NSUN6: variants seen among roughly 807,000 people sequenced by gnomAD.
NSUN6 encodes NOP2/Sun RNA methyltransferase 6.
Under a neutral mutation model 58.0 loss-of-function variants are expected in NSUN6, and 64 were observed. The observed-to-expected ratio is 1.10, with a 90% CI of 0.90 to 1.36. The LOEUF (loss-of-function observed/expected upper bound fraction) is 1.36, where lower values mean the gene tolerates loss of function less well. Among genes scored for constraint, NSUN6 ranks in the 40% most tolerant of loss-of-function variants. The probability of loss-of-function intolerance (pLI) is 0.00; values close to 1 mark genes in which losing one functional copy is unlikely to be tolerated. For synonymous variants in NSUN6, 231 were observed against 193.9 expected (o/e 1.19, Z -1.59); for missense variants, 701 against 550.1 (o/e 1.27, Z -2.74).
At chr10:18,618,496 A>G (rs1056701017) in intron 3 of NSUN6, among the ~76,000 whole-genome samples, 27 of 152,188 alleles carry the variant, frequency 1.8e-4, no homozygotes, top group South Asian at 1.0e-3. Flanking sequence ...AGCCTGACCA[A>G]CATGAAGAAA....
At chr10:18,597,476 G>T (rs1221452294) in intron 6 of NSUN6, among the ~76,000 whole-genome samples, 1 of 152,148 alleles carries the variant, frequency 6.6e-6, no homozygotes, top group Non-Finnish European at 1.5e-5. Context: ...ACACCCTCAA[G>T]AACTGTGAGA....
rs1352234150 is a variant in NSUN6 at position 18,555,879 on chromosome 10, AC to A, written c.923-3909del. 1.6e-3 allele frequency among the ~76,000 whole-genome samples: 235 copies of A among 150,038 alleles called. 2 individuals carry two copies. Among genetic ancestry groups the A allele is most frequent in the African/African-American group, 5.4e-3 (220 of 40,890 alleles). On this transcript the variant is annotated intron_variant, in intron 8 of 10. Coordinates refer to ENST00000377304, the MANE Select transcript of NSUN6 (RefSeq NM_182543.5). Reference sequence around the variant, plus strand: ...GAGAATGGAATGGAATGGAGAATGAACTGGAATGGAGAATAGAATGGAATGG... The same window carrying A: ...GAGAATGGAATGGAATGGAGAATGAATGGAATGGAGAATAGAATGGAATGG...
At chr10:18,634,144 A>T (rs2059132774) in intron 3 of NSUN6, among the ~76,000 whole-genome samples, 1 of 152,246 alleles carries the variant, frequency 6.6e-6, no homozygotes, top group African/African-American at 2.4e-5. Flanking sequence ...AGCAGAAGGC[A>T]GATTTTAAAA....
chr10:18,554,102 G>C (rs918789864), intron 8 of NSUN6, among the ~76,000 whole-genome samples: 1 of 151,496 alleles, frequency 6.6e-6, no homozygotes, highest in Admixed American at 6.6e-5. Context: ...GAATGGAATG[G>C]ACAGGAATGG....
intron 2 of NSUN6, among the ~76,000 whole-genome samples, chr10:18,647,668 T>C (rs2059583786): frequency 1.3e-5 from 2 of 151,748 alleles, no homozygotes; most frequent in African/African-American, 4.8e-5. Context: ...TGAAAATAGA[T>C]TCAGATTCAT....
chr10:18,655,831 C>G (rs1227113032), upstream of NSUN6, among the ~76,000 whole-genome samples: 1 of 152,126 alleles, frequency 6.6e-6, no homozygotes, highest in Non-Finnish European at 1.5e-5. Flanking sequence ...CTTTGAAGTA[C>G]CTGTTGGAAG....
Position 18,622,061 on chromosome 10 carries a change from G to C in NSUN6, c.312-5768C>G, listed in dbSNP as rs9794163. Among the ~76,000 whole-genome samples, 16 of 140,928 alleles carry C rather than the reference G, an allele frequency of 1.1e-4. No homozygotes were observed. In the East Asian group the frequency reaches 1.8e-3, roughly 16 times the overall value. 92.5% of individuals were successfully genotyped at this position (140,928 alleles called of 152,430 possible). ...TGACACACACACACACACACACACA[G>C]ACACACACACACAAAAATTGAAATC... On this transcript the variant is annotated intron_variant, in intron 3 of 10. Transcript: ENST00000377304.
At chr10:18,552,360 A>C (rs996422102) in intron 8 of NSUN6, among the ~76,000 whole-genome samples, 39 of 149,344 alleles carry the variant, frequency 2.6e-4, no homozygotes, top group Non-Finnish European at 4.9e-4. Context: ...TGCCTGTTTG[A>C]CTGTTGTGAA....
At chr10:18,580,024 G>C (rs1361598809) in intron 8 of NSUN6, among the ~76,000 whole-genome samples, 3 of 152,040 alleles carry the variant, frequency 2.0e-5, no homozygotes, top group African/African-American at 7.2e-5. Flanking sequence ...TACACCTAGG[G>C]ATCTCTGAAA....
chr10:18,620,882 G>A (rs1051637087), intron 3 of NSUN6, among the ~76,000 whole-genome samples: 3 of 152,176 alleles, frequency 2.0e-5, no homozygotes, highest in Non-Finnish European at 4.4e-5. Flanking sequence ...CATGTTTTGT[G>A]GAAGTGAAAT....
chr10:18,614,923 A>G (rs535584897), intron 4 of NSUN6, among the ~76,000 whole-genome samples: 1 of 152,296 alleles, frequency 6.6e-6, no homozygotes, highest in Non-Finnish European at 1.5e-5. Flanking sequence ...AAGATTTCTT[A>G]TAAATCTTGA....
intron 7 of NSUN6, among the ~76,000 whole-genome samples, chr10:18,588,562 T>G (rs553963651): frequency 6.6e-6 from 1 of 152,286 alleles, no homozygotes; most frequent in South Asian, 2.1e-4. Flanking sequence ...CCCTTTCAGA[T>G]GAAGCTTCCA....
rs145937212 is a variant in NSUN6, at chr10:18,613,340, G to A, written c.575+1120C>T. Among the ~76,000 whole-genome samples the A allele has an allele frequency of 2.2e-3, 339 of 152,098 alleles. 1 individual carries two copies. Among genetic ancestry groups the A allele is most frequent in the African/African-American group, 7.8e-3 (325 of 41,522 alleles). ...TCGAACTCCTGACCTCAAGTGATCC[G>A]CCCACCTTGGCCTCTCAAAGTGCTG... On this transcript the variant is annotated intron_variant, in intron 5 of 10. Transcript: ENST00000377304.
chr10:18,547,113 A>G (rs1351048834), intron 10 of NSUN6, among the ~76,000 whole-genome samples: 1 of 152,182 alleles, frequency 6.6e-6, no homozygotes, highest in Non-Finnish European at 1.5e-5. Flanking sequence ...GAAAGGAAAC[A>G]TAATTTAAGG....
chr10:18,648,042 C>T (rs1276430345), intron 2 of NSUN6, among the ~76,000 whole-genome samples: 1 of 152,130 alleles, frequency 6.6e-6, no homozygotes, highest in Admixed American at 6.5e-5. Flanking sequence ...CCTGGCCCAA[C>T]ATCTATTTTT....
intron 3 of NSUN6, among the ~76,000 whole-genome samples, chr10:18,634,844 G>GA (rs879936590): frequency 1.6e-3 from 236 of 148,712 alleles, no homozygotes; most frequent in Middle Eastern, 7.0e-3. Context: ...TGTGTTAACA[G>GA]AAAAAAAAAA....
At chr10:18,605,195 T>TAAA (rs542428234) in intron 6 of NSUN6, among the ~76,000 whole-genome samples, 1 of 137,712 alleles carries the variant, frequency 7.3e-6, no homozygotes. Flanking sequence ...GAGACTCCCT[T>TAAA]AAAAAAAAAA....
intron 7 of NSUN6, among the ~76,000 whole-genome samples, chr10:18,590,662 T>C (rs1235027324): frequency 2.6e-5 from 4 of 152,202 alleles, no homozygotes; most frequent in Non-Finnish European, 5.9e-5. Context: ...GACTACTGGG[T>C]AAATAAAACA....
chr10:18,596,314 G>C lies in NSUN6; in HGVS notation c.671C>G (p.Ala224Gly). Residue 224 changes from alanine to glycine, a missense_variant, in exon 7 of 11, where the codon GCC becomes GGC. Physicochemically the swap from Ala to Gly is moderately conservative, Grantham distance 60. Coordinates refer to ENST00000377304, the MANE Select transcript of NSUN6 (RefSeq NM_182543.5). ...RYLFLQNLPS[A>G]LVSHVLNPQP... ...AGGATTTAGTACATGACTTACTAAGGCAGATGGCAAATTCTATAAGGAAAA... is the reference window on the plus strand; with the variant it reads ...AGGATTTAGTACATGACTTACTAAGCCAGATGGCAAATTCTATAAGGAAAA... 6.3e-7 allele frequency: 1 copy of C among 1,579,032 alleles called. No individual in the cohort carries two copies. Among genetic ancestry groups the C allele is most frequent in the African/African-American group, 1.3e-5 (1 of 74,364 alleles).
Sources: allele counts gnomAD v4.1 joint callset (sites outside exome capture counted in the v4.1 genomes callset), GRCh38; gene constraint gnomAD v4.1.1; transcripts MANE v1.5; gene names NCBI Gene and HGNC (gene_info 2026-07-23, HGNC 2026-07-21).